The following MYO16 variants were observed in gnomAD, a reference collection of about 807,000 sequenced individuals.
MYO16 encodes unconventional myosin-XVI.
In MYO16, 94 loss-of-function variants were observed where a neutral mutation model predicts 205.3. The observed-to-expected ratio is 0.46, with a 90% confidence interval of 0.39 to 0.54. The LOEUF is 0.54. Among genes scored for constraint, MYO16 ranks in the 20% least tolerant of loss-of-function variants. MYO16 has a pLI of 0.00. For synonymous variants in MYO16, 988 were observed against 954.0 expected (o/e 1.04, Z -0.66); for missense variants, 2,315 against 2,387.5 (o/e 0.97, Z 0.63).
intron 23 of MYO16, among the ~76,000 whole-genome samples, chr13:109,025,040 G>T (rs965776872): frequency 7.9e-5 from 12 of 152,216 alleles, no homozygotes; most frequent in African/African-American, 2.4e-4. Flanking sequence ...TGATAGTAAA[G>T]TTGGGCCCAA....
intron 3 of MYO16, among the ~76,000 whole-genome samples, chr13:108,721,862 C>T (rs187332492): frequency 1.0e-3 from 152 of 152,116 alleles, no homozygotes; most frequent in Non-Finnish European, 1.8e-3. Context: ...GGGCTGGGTT[C>T]GCATCATTCC....
chr13:108,595,470 G>A (rs760661390), upstream of MYO16, among the ~76,000 whole-genome samples: 1 of 152,172 alleles, frequency 6.6e-6, no homozygotes, highest in Non-Finnish European at 1.5e-5. Context: ...ATTATATAAG[G>A]TTACATCCCT....
In MYO16 at chr13:109,140,180, G is replaced by T; in HGVS notation, c.4052-84G>T. On this transcript the variant is annotated intron_variant, in intron 31 of 34. Transcript: ENST00000457511. This position sits in a 1 kb window ranked among gnomAD's most constrained non-coding sequence, Gnocchi z 8.0. ...GGGATTCTCGGGGCACGGGGCCGTG[G>T]CTCCCTCCGAGTCGAGCCCCGGGCT... 1 of 1,543,594 alleles carries T rather than the reference G, an allele frequency of 6.5e-7. No homozygotes were observed. The highest frequency in any genetic ancestry group is 1.2e-5 in the South Asian group (1 of 83,978).
At chr13:108,939,585 C>T (rs1317973048) in intron 16 of MYO16, among the ~76,000 whole-genome samples, 1 of 152,154 alleles carries the variant, frequency 6.6e-6, no homozygotes. Context: ...CTGAATGCCT[C>T]TAATGTGTCA....
At chr13:108,957,299 G>C (rs571624219) in intron 16 of MYO16, among the ~76,000 whole-genome samples, 2 of 143,144 alleles carry the variant, frequency 1.4e-5, no homozygotes, top group South Asian at 4.6e-4. Flanking sequence ...CAGGAGAAAC[G>C]CTTGAACCTG....
intron 34 of MYO16, among the ~76,000 whole-genome samples, chr13:109,196,250 G>C (rs964705734): frequency 1.3e-5 from 2 of 152,244 alleles, no homozygotes; most frequent in South Asian, 2.1e-4. Context: ...AATCACCAAG[G>C]TTTTCTCAAT....
chr13:109,058,484 C>T lies in MYO16; in HGVS notation c.3335+2889C>T, dbSNP rs187795751. Reference sequence around the variant, plus strand: ...AAATCACATAAAGTTTTTGGTTTCCCGCTGCATATAAAAGTTATATTTGCA... The same window carrying T: ...AAATCACATAAAGTTTTTGGTTTCCTGCTGCATATAAAAGTTATATTTGCA... On this transcript the variant is annotated intron_variant, in intron 27 of 34. Transcript: ENST00000457511. Among the ~76,000 whole-genome samples, 19 of 152,144 alleles carry T rather than the reference C, an allele frequency of 1.2e-4. No homozygotes were observed. In the East Asian group the frequency reaches 2.3e-3, roughly 19 times the overall value.
intron 2 of MYO16, among the ~76,000 whole-genome samples, chr13:108,697,159 A>G (rs1883124320): frequency 1.3e-5 from 2 of 152,296 alleles, no homozygotes; most frequent in East Asian, 3.9e-4. Flanking sequence ...TTACCTGGTG[A>G]GAAAGACTTG....
chr13:108,872,895 C>G (rs931654283), intron 12 of MYO16, among the ~76,000 whole-genome samples: 1 of 152,120 alleles, frequency 6.6e-6, no homozygotes, highest in Non-Finnish European at 1.5e-5. Flanking sequence ...TCCTTCTGGA[C>G]TTGACATCCA....
chr13:109,200,387 G>A (rs1046978011), intron 34 of MYO16, among the ~76,000 whole-genome samples: 9 of 152,100 alleles, frequency 5.9e-5, no homozygotes, highest in Non-Finnish European at 1.3e-4. Context: ...CCTCAATAAA[G>A]GGGTTTATTC....
chr13:109,001,661 A>G lies in MYO16; in HGVS notation c.2443-7236A>G, dbSNP rs1176108899. Among the ~76,000 whole-genome samples, 5 of 152,218 alleles carry G rather than the reference A, an allele frequency of 3.3e-5. No individual in the cohort carries two copies. In the East Asian group the frequency reaches 7.7e-4, roughly 23 times the overall value. On this transcript the variant is annotated intron_variant, in intron 21 of 34. Transcript: ENST00000457511. ...TAGGCAATATATGGAAATCAGGGAT[A>G]ACTGATTTGTCGGAGAACCACTTGG...
At chr13:108,563,093 C>T in the MYO16 span, among the ~76,000 whole-genome samples, 1 of 152,036 alleles carries the variant, frequency 6.6e-6, no homozygotes, top group Non-Finnish European at 1.5e-5. Context: ...TTGGCATGGA[C>T]CAGATAAGGG....
At position 108,964,763 on chromosome 13, in the gene MYO16, G is replaced by T; in HGVS notation, c.2230G>T (p.Asp744Tyr). The part of the protein sequence containing the change: ...LTTDIQYFKG[D>Y]MIIRRHTIQI... Reference sequence around the variant, plus strand: ...TCCTTTTCTTTCTACCATTTTAGGGGATATGATAATACGACGACATACCAT... The same window carrying T: ...TCCTTTTCTTTCTACCATTTTAGGGTATATGATAATACGACGACATACCAT... Residue 744 changes from aspartate to tyrosine, a missense_variant and splice_region_variant, in exon 20 of 35, where the codon GAT becomes TAT. Coordinates refer to ENST00000457511, the MANE Select transcript of MYO16 (RefSeq NM_001198950.3). The T allele has an allele frequency of 6.2e-7, 1 of 1,613,908 alleles. No individual in the cohort carries two copies. The highest frequency in any genetic ancestry group is 8.5e-7 in the Non-Finnish European group (1 of 1,179,894).
At chr13:108,575,023 A>G in the MYO16 span, among the ~76,000 whole-genome samples, 5 of 152,086 alleles carry the variant, frequency 3.3e-5, no homozygotes, top group Non-Finnish European at 7.4e-5. Flanking sequence ...GTACTCACAC[A>G]CTCCAGTGTG....
chr13:109,139,638 C>A (rs181335907), intron 31 of MYO16, among the ~76,000 whole-genome samples: 220 of 152,292 alleles, frequency 1.4e-3, no homozygotes, highest in Admixed American at 2.7e-3. Context: ...AAAAGAAATT[C>A]TTGGCCCTTT....
At chr13:109,186,266 T>C (rs530601737) in intron 34 of MYO16, among the ~76,000 whole-genome samples, 6 of 152,310 alleles carry the variant, frequency 3.9e-5, no homozygotes, top group Non-Finnish European at 8.8e-5. Context: ...CTCATATTCC[T>C]TCAACAAGCA....
At chr13:108,543,238 A>C in the MYO16 span, among the ~76,000 whole-genome samples, 2 of 152,192 alleles carry the variant, frequency 1.3e-5, no homozygotes, top group Non-Finnish European at 2.9e-5. Flanking sequence ...TTAAAGTTTA[A>C]TTGCAATAAT....
chr13:109,000,511 T>A (rs1255733668), intron 21 of MYO16, among the ~76,000 whole-genome samples: 1 of 152,220 alleles, frequency 6.6e-6, no homozygotes, highest in Non-Finnish European at 1.5e-5. Context: ...AAAAGGCTTA[T>A]TATTTTGGTA....
intron 15 of MYO16, among the ~76,000 whole-genome samples, chr13:108,901,331 G>A (rs1178681148): frequency 6.6e-6 from 1 of 152,104 alleles, no homozygotes; most frequent in East Asian, 1.9e-4. Context: ...ACGGCTCAGG[G>A]GGCATCACAG....
Sources: allele counts gnomAD v4.1 joint callset (sites outside exome capture counted in the v4.1 genomes callset), GRCh38; gene constraint gnomAD v4.1.1; non-coding constraint Gnocchi (gnomAD v3.1); transcripts MANE v1.5; gene names NCBI Gene and HGNC (gene_info 2026-07-23, HGNC 2026-07-21).